Variants in COL19A1 observed in about 807,000 individuals in gnomAD.
The protein encoded by COL19A1 is collagen alpha-1(XIX) chain.
A neutral mutation model predicts 190.2 loss-of-function variants in COL19A1; 159 were observed. That is an observed-to-expected ratio of 0.84 (90% CI 0.73 to 0.95). The LOEUF is 0.95. Among genes scored for constraint, COL19A1 ranks in the 40% least tolerant of loss-of-function variants. COL19A1 has a pLI of 0.00. For missense variants in COL19A1, 1,418 were observed against 1,431.9 expected, an observed-to-expected ratio of 0.99 and a Z score of 0.16; for synonymous variants, 509 against 458.9, an observed-to-expected ratio of 1.11 and a Z score of -1.39.
chr6:70,105,363 G>A (rs1428120961), intron 16 of COL19A1, among the ~76,000 whole-genome samples: 2 of 151,894 alleles, frequency 1.3e-5, no homozygotes, highest in African/African-American at 2.4e-5. Context: ...TTACCATGTT[G>A]GCCAGGATGG....
At chr6:70,185,692 G>T (rs1213848763) in intron 46 of COL19A1, among the ~76,000 whole-genome samples, 2 of 152,022 alleles carry the variant, frequency 1.3e-5, no homozygotes, top group Admixed American at 6.5e-5. Flanking sequence ...AGAATTAATA[G>T]AATTAATTTC....
intron 14 of COL19A1, among the ~76,000 whole-genome samples, chr6:70,037,945 T>A (rs988103687): frequency 9.9e-5 from 15 of 152,164 alleles, no homozygotes; most frequent in Non-Finnish European, 1.5e-5. Context: ...AAGTAAAATA[T>A]TCATATTATT....
chr6:69,875,010 A>G (rs1012192884), intron 1 of COL19A1, among the ~76,000 whole-genome samples: 4 of 152,226 alleles, frequency 2.6e-5, no homozygotes, highest in Admixed American at 6.5e-5. Flanking sequence ...ACAGTGATGG[A>G]CAAGACAGAT....
chr6:69,894,196 CAGT>C (rs1178013962), intron 2 of COL19A1, among the ~76,000 whole-genome samples: 5 of 152,188 alleles, frequency 3.3e-5, no homozygotes, highest in Non-Finnish European at 7.3e-5. Flanking sequence ...TTTTCATCGA[CAGT>C]AGTTTCAATT....
intron 49 of COL19A1, among the ~76,000 whole-genome samples, chr6:70,204,047 G>A (rs1767715022): frequency 6.6e-6 from 1 of 152,142 alleles, no homozygotes; most frequent in Non-Finnish European, 1.5e-5. Flanking sequence ...TTTTAGTAGA[G>A]ATAGGGTTTC....
chr6:70,207,355 T>A lies in COL19A1; in HGVS notation c.*81T>A. Reference sequence around the variant, plus strand: ...TTAATACCGTCAAACCCTCATCATCTGTGGGTTGCTTTTTTTTTTTTTTTT... The same window carrying A: ...TTAATACCGTCAAACCCTCATCATCAGTGGGTTGCTTTTTTTTTTTTTTTT... On this transcript the variant is annotated 3_prime_UTR_variant, in exon 51 of 51. Transcript: ENST00000620364. 1 of 862,402 alleles carries A rather than the reference T, an allele frequency of 1.2e-6. No individual in the cohort carries two copies. 53.4% of individuals were successfully genotyped at this position (862,402 alleles called of 1,614,324 possible). A position where few individuals can be genotyped will look rare whatever the true frequency, so the allele number is the denominator to read the frequency against.
intron 16 of COL19A1, among the ~76,000 whole-genome samples, chr6:70,114,684 C>T (rs1034702724): frequency 1.3e-5 from 2 of 152,034 alleles, no homozygotes; most frequent in Admixed American, 1.3e-4. Context: ...TTTATTATCA[C>T]CTGCATGTAA....
At chr6:70,116,397 T>G (rs867167081) in intron 16 of COL19A1, among the ~76,000 whole-genome samples, 8 of 152,310 alleles carry the variant, frequency 5.3e-5, no homozygotes, top group African/African-American at 1.9e-4. Flanking sequence ...AGACAGATAC[T>G]GCAGACTGTA....
chr6:70,121,116 T>C (rs1353470340), intron 16 of COL19A1, among the ~76,000 whole-genome samples: 1 of 152,218 alleles, frequency 6.6e-6, no homozygotes, highest in Non-Finnish European at 1.5e-5. Context: ...TTTTCTGAGA[T>C]AGTTGAACCT....
At position 69,937,156 on chromosome 6, in the gene COL19A1, G is replaced by A. The variant is rs151223320; in HGVS notation, c.873+246G>A. Among the ~76,000 whole-genome samples, 6 of 152,246 alleles carry A rather than the reference G, an allele frequency of 3.9e-5. No homozygotes were observed. In the South Asian group the frequency reaches 1.0e-3, roughly 26 times the overall value. On this transcript the variant is annotated intron_variant, in intron 8 of 50. Transcript: ENST00000620364. The stretch of plus-strand genomic sequence containing the variant: ...GAACTAGAATGAATAGAAAAGTGAA[G>A]GGAGGAACTACCTGTACAACAGGCA...
In COL19A1 at chr6:70,035,947, T is replaced by C. The variant is rs767361444; in HGVS notation, c.1170+8T>C. ...GGACCACCAGCCTTACCTGTAAGTA[T>C]TCTTGAAATCAAAATTCAAAATTGA... On this transcript the variant is annotated splice_region_variant and intron_variant, in intron 14 of 50. Coordinates refer to ENST00000620364, the MANE Select transcript of COL19A1 (RefSeq NM_001858.6). 6 of 1,612,774 alleles carry C rather than the reference T, an allele frequency of 3.7e-6. No homozygotes were observed. In the Admixed American group the frequency reaches 8.3e-5, roughly 22 times the overall value.
chr6:70,203,289 T>A (rs565332692), intron 49 of COL19A1, among the ~76,000 whole-genome samples: 7 of 152,282 alleles, frequency 4.6e-5, no homozygotes, highest in African/African-American at 1.2e-4. Context: ...AACAGCTACA[T>A]CCATCGCATG....
intron 16 of COL19A1, among the ~76,000 whole-genome samples, chr6:70,120,762 A>T (rs2150210682): frequency 6.6e-6 from 1 of 152,302 alleles, no homozygotes; most frequent in East Asian, 1.9e-4. Context: ...CTTTATGTTT[A>T]GTGGCACAAT....
chr6:70,122,024 T>A (rs184841381), intron 17 of COL19A1, 82 bp downstream of exon 17: 2 of 867,526 alleles, frequency 2.3e-6, no homozygotes, highest in Admixed American at 2.6e-5. Context: ...TATTAATTCC[T>A]AACTTCTCAG....
chr6:69,888,735 G>T (rs1402488264), intron 2 of COL19A1, among the ~76,000 whole-genome samples: 1 of 147,996 alleles, frequency 6.8e-6, no homozygotes. Flanking sequence ...CTGAGATAGC[G>T]CCACTGCACT....
chr6:70,158,944 T>A (rs969053398), intron 34 of COL19A1, among the ~76,000 whole-genome samples: 4 of 152,132 alleles, frequency 2.6e-5, no homozygotes, highest in Non-Finnish European at 5.9e-5. Context: ...CCTTTATGCA[T>A]CCATAGTAAC....
intron 41 of COL19A1, 134 bp from the exon 42 acceptor site, chr6:70,176,386 C>G: frequency 2.7e-6 from 2 of 733,764 alleles, no homozygotes; most frequent in Non-Finnish European, 4.2e-6. Context: ...TAGCTTCACC[C>G]CATCTAATAT....
chr6:69,951,752 C>G (rs903814981), intron 9 of COL19A1, among the ~76,000 whole-genome samples: 1 of 151,810 alleles, frequency 6.6e-6, no homozygotes, highest in Non-Finnish European at 1.5e-5. Context: ...TTACAACACC[C>G]CTGTGAGGTA....
chr6:70,025,736 A>G (rs964476882), intron 12 of COL19A1, among the ~76,000 whole-genome samples: 1 of 152,256 alleles, frequency 6.6e-6, no homozygotes, highest in African/African-American at 2.4e-5. Context: ...TAAGTTCCAA[A>G]TAACTATTTG....
Sources: gnomAD v4.1 joint callset for allele counts (sites outside exome capture counted in the v4.1 genomes callset) on GRCh38, gnomAD v4.1.1 for gene constraint, MANE v1.5 for transcripts, NCBI Gene and HGNC (gene_info 2026-07-23, HGNC 2026-07-21) for gene names.